LEKR1: variants seen among roughly 807,000 people sequenced by gnomAD.
The protein encoded by LEKR1 is leucine, glutamate and lysine rich 1.
In LEKR1, 59 loss-of-function variants were observed where a neutral mutation model predicts 72.4. The ratio of observed to expected loss-of-function variants is 0.82; its 90% CI spans 0.66 to 1.01. The LOEUF (loss-of-function observed/expected upper bound fraction) is 1.01, where lower values mean the gene tolerates loss of function less well. Among genes scored for constraint, LEKR1 ranks in the 50% least tolerant of loss-of-function variants. LEKR1 has a pLI of 0.00. For missense variants in LEKR1, 728 were observed against 759.2 expected, an observed-to-expected ratio of 0.96 and a Z score of 0.48; for synonymous variants, 257 against 263.2, an observed-to-expected ratio of 0.98 and a Z score of 0.23.
intron 4 of LEKR1, among the ~76,000 whole-genome samples, chr3:156,926,335 C>T (rs1475687569): frequency 6.6e-6 from 1 of 151,772 alleles, no homozygotes; most frequent in Non-Finnish European, 1.5e-5. Flanking sequence ...TAAGAATTTC[C>T]CCAAATTGGA....
chr3:156,928,301 G>A (rs1724910756), intron 5 of LEKR1, among the ~76,000 whole-genome samples: 1 of 152,000 alleles, frequency 6.6e-6, no homozygotes, highest in South Asian at 2.1e-4. Context: ...ATTTTGGGTA[G>A]TAATAATAAT....
intron 7 of LEKR1, chr3:156,988,220 A>C: frequency 5.0e-6 from 1 of 201,506 alleles, no homozygotes; most frequent in Non-Finnish European, 1.1e-5. Flanking sequence ...TGCCACCAAC[A>C]GACAAAGGCC....
intron 2 of LEKR1, among the ~76,000 whole-genome samples, chr3:156,830,399 A>G (rs529433218): frequency 6.6e-6 from 1 of 152,342 alleles, no homozygotes; most frequent in East Asian, 1.9e-4. Context: ...AGCAGAGAAA[A>G]GTCATGACAT....
Position 157,045,729 on chromosome 3 carries a change from G to A in LEKR1, c.2058G>A (p.Arg686=). 4 of 1,609,238 alleles carry A rather than the reference G, an allele frequency of 2.5e-6. No homozygotes were observed. The highest frequency in any genetic ancestry group is 3.4e-6 in the Non-Finnish European group (4 of 1,179,944). ...GACAGAGACTGGCTGCCATTCTTAG[G>A]AGAAGGCGGAGTCAGCAATGATCCA... ...ETRQRLAAIL[R]RRRSQQ Residue 686 remains arginine, a synonymous_variant, in exon 13 of 13, where the codon AGG becomes AGA. Coordinates refer to ENST00000356539, the MANE Select transcript of LEKR1 (RefSeq NM_001004316.3).
chr3:156,894,708 G>A (rs1372221981), intron 3 of LEKR1, among the ~76,000 whole-genome samples: 1 of 152,022 alleles, frequency 6.6e-6, no homozygotes, highest in Admixed American at 6.6e-5. Context: ...TAAACCAATA[G>A]AACAGGAAAG....
intron 9 of LEKR1, among the ~76,000 whole-genome samples, chr3:157,002,401 A>G (rs1241252301): frequency 6.6e-6 from 1 of 152,094 alleles, no homozygotes; most frequent in Non-Finnish European, 1.5e-5. Flanking sequence ...TATGATCTTG[A>G]ACAATGTGTG....
intron 3 of LEKR1, among the ~76,000 whole-genome samples, chr3:156,880,689 C>G (rs1253330171): frequency 4.6e-5 from 7 of 152,296 alleles, no homozygotes; most frequent in Middle Eastern, 3.4e-3. Context: ...CGGGCAGAGA[C>G]ACAACCAAAA....
intron 9 of LEKR1, among the ~76,000 whole-genome samples, chr3:157,009,870 C>A (rs963230093): frequency 5.3e-5 from 8 of 152,000 alleles, no homozygotes; most frequent in African/African-American, 1.7e-4. Context: ...GTAAATTAAA[C>A]TTACCATAAT....
intron 3 of LEKR1, among the ~76,000 whole-genome samples, chr3:156,873,015 C>G (rs1392500150): frequency 6.6e-6 from 1 of 151,860 alleles, no homozygotes; most frequent in Non-Finnish European, 1.5e-5. Context: ...CTGTTTCATG[C>G]TGAAAGTAGG....
intron 3 of LEKR1, among the ~76,000 whole-genome samples, chr3:156,907,852 A>G (rs534301710): frequency 1.8e-4 from 27 of 151,874 alleles, no homozygotes; most frequent in Non-Finnish European, 2.7e-4. Flanking sequence ...TTTTTTTTCC[A>G]GTCCAGTATT....
At chr3:157,034,798 G>A (rs1308222769) in intron 12 of LEKR1, among the ~76,000 whole-genome samples, 1 of 152,052 alleles carries the variant, frequency 6.6e-6, no homozygotes, top group African/African-American at 2.4e-5. Context: ...AAACATCATT[G>A]TTGTCTTTTT....
intron 1 of LEKR1, among the ~76,000 whole-genome samples, chr3:156,828,572 C>T (rs1390072278): frequency 2.0e-5 from 3 of 151,562 alleles, no homozygotes; most frequent in Non-Finnish European, 2.9e-5. Flanking sequence ...AGCCCTTACT[C>T]GTGAGGGAAG....
At chr3:156,934,390 G>A (rs1363941082) in intron 5 of LEKR1, among the ~76,000 whole-genome samples, 1 of 152,092 alleles carries the variant, frequency 6.6e-6, no homozygotes, top group African/African-American at 2.4e-5. Flanking sequence ...ATTAGGTTTT[G>A]GAACCTCTGA....
intron 10 of LEKR1, among the ~76,000 whole-genome samples, chr3:157,013,630 A>G (rs936817552): frequency 2.0e-5 from 3 of 152,078 alleles, no homozygotes; most frequent in African/African-American, 7.2e-5. Flanking sequence ...CTTGTTAATA[A>G]ATGTTATCAT....
At chr3:156,835,803 T>TCCTTCCTTCCTTCCTCGCTCCCTC (rs1713042164) in intron 2 of LEKR1, among the ~76,000 whole-genome samples, 2 of 148,006 alleles carry the variant, frequency 1.4e-5, no homozygotes, top group African/African-American at 4.9e-5. Context: ...CTCCCTTCCT[T>TCCTTCCTTCCTTCCTCGCTCCCTC]CCTTCCTTCC....
chr3:157,020,154 G>T (rs1412111892), intron 10 of LEKR1, among the ~76,000 whole-genome samples: 1 of 151,736 alleles, frequency 6.6e-6, no homozygotes, highest in Non-Finnish European at 1.5e-5. Context: ...TTTCTAACTC[G>T]AGTAAAACAG....
intron 7 of LEKR1, among the ~76,000 whole-genome samples, chr3:156,986,406 GTGCATTCA>G (rs1730687792): frequency 6.6e-6 from 1 of 152,154 alleles, no homozygotes; most frequent in Admixed American, 6.5e-5. Context: ...GTGGAAGGCT[GTGCATTCA>G]TGCAAGTGAG....
chr3:156,939,203 G>A (rs1338202462), intron 5 of LEKR1, among the ~76,000 whole-genome samples: 1 of 152,138 alleles, frequency 6.6e-6, no homozygotes, highest in Non-Finnish European at 1.5e-5. Context: ...GGTCATCAGG[G>A]TAGCCCCTAA....
intron 7 of LEKR1, among the ~76,000 whole-genome samples, chr3:156,983,931 A>G (rs1730455169): frequency 2.0e-5 from 3 of 152,098 alleles, no homozygotes; most frequent in Non-Finnish European, 2.9e-5. Context: ...CCTCCCCCCA[A>G]GTCCCCCCAA....
Sources: allele counts gnomAD v4.1 joint callset (sites outside exome capture counted in the v4.1 genomes callset), GRCh38; gene constraint gnomAD v4.1.1; transcripts MANE v1.5; gene names NCBI Gene and HGNC (gene_info 2026-07-23, HGNC 2026-07-21).